RNF44: variants seen among roughly 807,000 people sequenced by gnomAD.
RNF44 encodes the protein ring finger protein 44.
A neutral mutation model predicts 53.6 loss-of-function variants in RNF44; 25 were observed. The observed-to-expected ratio is 0.47, with a 90% CI of 0.34 to 0.65. The LOEUF (loss-of-function observed/expected upper bound fraction) is 0.65, where lower values mean the gene tolerates loss of function less well. Ranked by LOEUF, RNF44 falls within the 30% of genes least tolerant of loss-of-function variation. The pLI is 0.01. For missense variants in RNF44, 581 were observed against 595.5 expected (o/e 0.98, Z 0.25); for synonymous variants, 282 against 252.2 (o/e 1.12, Z -1.12).
At chr5:176,530,038 A>G in intron 7 of RNF44, 44 bp downstream of exon 7, 1 of 1,397,476 alleles carries the variant, frequency 7.2e-7, no homozygotes, top group Non-Finnish European at 9.3e-7. Flanking sequence ...AGGTTCCAGG[A>G]GAACAGGGCA....
Position 176,531,799 on chromosome 5 carries a change from G to C in RNF44, c.298-169C>G, listed in dbSNP as rs967896084. ...CCTCTACTCCCAGGCCCCCGGGGCA[G>C]AGAAAGCCCCGTGGGAATCTAGCTC... On this transcript the variant is annotated intron_variant, in intron 3 of 10. Coordinates refer to ENST00000274811, the MANE Select transcript of RNF44 (RefSeq NM_014901.5). This position sits in a 1 kb window ranked among gnomAD's most constrained non-coding sequence, Gnocchi z 4.2. 2.3e-5 allele frequency: 20 copies of C among 873,798 alleles called. No homozygotes were observed. Among genetic ancestry groups the C allele is most frequent in the Non-Finnish European group, 3.1e-5 (18 of 583,024 alleles). 54.1% of individuals were successfully genotyped at this position (873,798 alleles called of 1,614,324 possible).
Position 176,531,084 on chromosome 5 carries a change from A to G in RNF44, c.466-63T>C, listed in dbSNP as rs1398116715. The G allele has an allele frequency of 7.9e-6, 10 of 1,261,726 alleles. No homozygotes were observed. The highest frequency in any genetic ancestry group is 1.1e-5 in the Non-Finnish European group (10 of 951,472). The allele number at this position is 1,261,726 out of a possible 1,614,324, so 78.2% of individuals were successfully genotyped here. A position where few individuals can be genotyped will look rare whatever the true frequency, so the allele number is the denominator to read the frequency against. ...CTGGGCTCTGGGCCAGGTCTACGCC[A>G]TGCCACCCAGCAAAAGGCCCCCACC... On this transcript the variant is annotated intron_variant, in intron 4 of 10. Coordinates refer to ENST00000274811, the MANE Select transcript of RNF44 (RefSeq NM_014901.5). The surrounding 1 kb of genome is among the most constrained non-coding windows in gnomAD (Gnocchi z 4.2).
chr5:176,534,095 A>G (rs1293016070), intron 1 of RNF44, among the ~76,000 whole-genome samples: 4 of 152,196 alleles, frequency 2.6e-5, no homozygotes, highest in African/African-American at 4.8e-5. Flanking sequence ...AGGAGCCCGC[A>G]TGGGAGACCG....
In RNF44 at chr5:176,531,677, G is replaced by A. The variant is rs371318250; in HGVS notation, c.298-47C>T. 3.2e-5 allele frequency: 50 copies of A among 1,546,008 alleles called. No homozygotes were observed. In the African/African-American group the frequency reaches 4.4e-4, roughly 13 times the overall value. On this transcript the variant is annotated intron_variant, in intron 3 of 10. Coordinates refer to ENST00000274811, the MANE Select transcript of RNF44 (RefSeq NM_014901.5). This position sits in a 1 kb window ranked among gnomAD's most constrained non-coding sequence, Gnocchi z 4.2. The stretch of plus-strand genomic sequence containing the variant: ...GGAAAGTATGAAAAGGAAGCTGACC[G>A]CGAGGGCTACTCTCAGGAGAAATCA...
chr5:176,532,541 C>T (rs1384195245), intron 1 of RNF44, 25 bp from the exon 2 acceptor site: 25 of 1,459,100 alleles, frequency 1.7e-5, no homozygotes, highest in East Asian at 2.4e-5. Flanking sequence ...GACAAGAAGA[C>T]TGAGGCACCT....
intron 1 of RNF44, among the ~76,000 whole-genome samples, chr5:176,535,635 C>G (rs559391926): frequency 6.6e-6 from 1 of 152,220 alleles, no homozygotes; most frequent in South Asian, 2.1e-4. Flanking sequence ...GCATCAGTAG[C>G]TGGAGGAAAT....
rs1756703009 is a variant in RNF44 at position 176,531,885 on chromosome 5, C to T, written c.297+119G>A. The T allele has an allele frequency of 8.7e-7, 1 of 1,144,268 alleles. No individual in the cohort carries two copies. Among genetic ancestry groups the T allele is most frequent in the Non-Finnish European group, 1.2e-6 (1 of 813,466 alleles). 70.9% of individuals were successfully genotyped at this position (1,144,268 alleles called of 1,614,324 possible). ...CAGTTTACCTACCTGTAAAGCAGGG[C>T]CAATAATGCCTCCCTGGAACGTGAA... is the stretch of plus-strand genomic sequence containing the variant. On this transcript the variant is annotated intron_variant, in intron 3 of 10. Coordinates refer to ENST00000274811, the MANE Select transcript of RNF44 (RefSeq NM_014901.5). This position sits in a 1 kb window ranked among gnomAD's most constrained non-coding sequence, Gnocchi z 4.2.
At chr5:176,537,672 G>T (rs1283413852), upstream of RNF44, 1 of 152,224 alleles carries the variant, frequency 6.6e-6, no homozygotes, top group Non-Finnish European at 1.5e-5. Flanking sequence ...CGCCTCTGAG[G>T]CTCAGTTTCC....
chr5:176,530,773 C>T, intron 5 of RNF44, 30 bp from the exon 6 acceptor site: 1 of 1,506,706 alleles, frequency 6.6e-7, no homozygotes. Context: ...GTCAGCAAGT[C>T]AGTGAGACGA....
Position 176,530,643 on chromosome 5 carries a change from G to A in RNF44, c.740C>T (p.Pro247Leu), listed in dbSNP as rs200230961. Reference protein sequence around the residue: ...STSAPGPALSPSVPLHYLPHD... With the variant: ...STSAPGPALSLSVPLHYLPHD... The stretch of plus-strand genomic sequence containing the variant: ...GGGCAGGTAGTGCAGGGGCACCGAC[G>A]GGGAAAGGGCTGGGCCAGGCGCAGA... Residue 247 changes from proline (P) to leucine (L), a missense_variant, in exon 6 of 11, where the codon CCG becomes CTG. Pro to Leu is a moderately conservative substitution (Grantham distance 98, BLOSUM62 -3). Coordinates refer to ENST00000274811, the MANE Select transcript of RNF44 (RefSeq NM_014901.5). The A allele has an allele frequency of 1.8e-4, 271 of 1,522,900 alleles. No homozygotes were observed. The highest frequency in any genetic ancestry group is 2.9e-4 in the Admixed American group (13 of 44,362). The allele number at this position is 1,522,900 out of a possible 1,614,324, so 94.3% of individuals were successfully genotyped here.
At position 176,532,129 on chromosome 5, in the gene RNF44, G is replaced by GTTACC. The variant is rs760480777; in HGVS notation, c.171_172insGGTAA (p.Pro58GlyfsTer12). The GTTACC allele has an allele frequency of 3.2e-6, 5 of 1,581,272 alleles. No homozygotes were observed. The highest frequency in any genetic ancestry group is 4.3e-6 in the Non-Finnish European group (5 of 1,165,832). On this transcript the variant is annotated frameshift_variant, in exon 3 of 11. Transcript: ENST00000274811. LOFTEE classifies it high-confidence loss of function. The stretch of plus-strand genomic sequence containing the variant: ...GGGAGGTGTGGAGGTCGGGACGGCG[G>GTTACC]CTGCTGGGAGGGTAAGCGCTCATCC...
chr5:176,530,971 G>A lies in RNF44; in HGVS notation c.516C>T (p.Tyr172=), dbSNP rs755428024. 4.8e-6 allele frequency: 7 copies of A among 1,458,938 alleles called. No homozygotes were observed. Among genetic ancestry groups the A allele is most frequent in the East Asian group, 2.6e-5 (1 of 38,078 alleles). The allele number at this position is 1,458,938 out of a possible 1,614,324, so 90.4% of individuals were successfully genotyped here. The part of the protein sequence containing the change: ...MQQLPVPYQA[Y]PHLISSDHYI... ...AGTGGTCACTGGAGATGAGGTGGGG[G>A]TAGGCCTGATAGGGCACAGGCAGCT... The change falls in exon 5 of 11, where the codon TAC becomes TAT. Residue 172 remains tyrosine (Y), a synonymous_variant. Transcript: ENST00000274811.
At position 176,531,739 on chromosome 5, in the gene RNF44, C is replaced by A; in HGVS notation, c.298-109G>T. On this transcript the variant is annotated intron_variant, in intron 3 of 10. Transcript: ENST00000274811. This position sits in a 1 kb window ranked among gnomAD's most constrained non-coding sequence, Gnocchi z 4.2. The stretch of plus-strand genomic sequence containing the variant: ...CCAGCTGCCGGCTCCCTTCCCTTCT[C>A]CACGGCGGCCTACCTCAGTGCAGAC... The A allele has an allele frequency of 8.3e-7, 1 of 1,209,920 alleles. No individual in the cohort carries two copies. 74.9% of individuals were successfully genotyped at this position (1,209,920 alleles called of 1,614,324 possible).
At chr5:176,530,419 A>AGCCC (rs1756513320) in intron 6 of RNF44, among the ~76,000 whole-genome samples, 163 bp downstream of exon 6, 3 of 87,024 alleles carry the variant, frequency 3.4e-5, no homozygotes, top group Non-Finnish European at 8.7e-5. Context: ...GCCCAGGTGC[A>AGCCC]AGTCAGCCCA....
At chr5:176,543,378 C>G in the RNF44 span, among the ~76,000 whole-genome samples, 6 of 150,026 alleles carry the variant, frequency 4.0e-5, no homozygotes, top group African/African-American at 1.2e-4. The surrounding 1 kb of genome is among the most constrained non-coding windows in gnomAD (Gnocchi z 4.0). Flanking sequence ...CTCTCCGGCC[C>G]GGTGCAGGGG....
Position 176,532,368 on chromosome 5 carries a change from TC to T in RNF44, c.104del (p.Gly35GlufsTer33). 1 of 1,606,584 alleles carries T rather than the reference TC, an allele frequency of 6.2e-7. No homozygotes were observed. The highest frequency in any genetic ancestry group is 8.5e-7 in the Non-Finnish European group (1 of 1,177,704). On this transcript the variant is annotated frameshift_variant, in exon 2 of 11. Coordinates refer to ENST00000274811, the MANE Select transcript of RNF44 (RefSeq NM_014901.5). LOFTEE classifies it high-confidence loss of function. ...GPGSTPGQLW[G>X]SPGLEGPLAS... ...AGGACTGGGAGGCTCCTTCCTACCT[TC>T]CCCAGAGCTGGCCCGGGGTGCTGCC...
chr5:176,530,534 G>A, intron 6 of RNF44, 48 bp downstream of exon 6: 1 of 1,382,260 alleles, frequency 7.2e-7, no homozygotes, highest in Non-Finnish European at 9.4e-7. Flanking sequence ...CAGCGGGTCT[G>A]CCTCCCAGCT....
chr5:176,529,994 G>T, intron 7 of RNF44, 88 bp downstream of exon 7: 1 of 1,468,988 alleles, frequency 6.8e-7, no homozygotes, highest in Non-Finnish European at 9.0e-7. Flanking sequence ...GAGGCCCTGG[G>T]GCCCCTGGAG....
upstream of RNF44, among the ~76,000 whole-genome samples, chr5:176,539,985 C>G (rs2113221705): frequency 6.6e-6 from 1 of 152,334 alleles, no homozygotes; most frequent in South Asian, 2.1e-4. Context: ...TTCTGCCAAT[C>G]CATTTCACTT....
Sources: gnomAD v4.1 joint callset for allele counts (sites outside exome capture counted in the v4.1 genomes callset) on GRCh38, gnomAD v4.1.1 for gene constraint, Gnocchi (gnomAD v3.1) non-coding constraint, MANE v1.5 for transcripts, NCBI Gene and HGNC (gene_info 2026-07-23, HGNC 2026-07-21) for gene names.